FRY: variants seen among roughly 807,000 people sequenced by gnomAD.
The protein encoded by FRY is protein furry homolog.
FRY carries 128 observed loss-of-function variants against 348.4 expected under a neutral mutation model. That is an observed-to-expected ratio of 0.37 (90% CI 0.32 to 0.43). The LOEUF (loss-of-function observed/expected upper bound fraction) is 0.43, where lower values mean the gene tolerates loss of function less well. Among genes scored for constraint, FRY ranks in the 20% least tolerant of loss-of-function variants. FRY has a pLI of 1.00. For missense variants in FRY, 2,736 were observed against 3,695.2 expected, an observed-to-expected ratio of 0.74 and a Z score of 6.73; for synonymous variants, 1,370 against 1,374.7, an observed-to-expected ratio of 1.00 and a Z score of 0.08.
chr13:32,182,993 C>G lies in FRY; in HGVS notation c.3013C>G (p.Leu1005Val), dbSNP rs745932889. 6.2e-7 allele frequency: 1 copy of G among 1,605,266 alleles called. No homozygotes were observed. Among genetic ancestry groups the G allele is most frequent in the Non-Finnish European group, 8.5e-7 (1 of 1,172,586 alleles). Reference protein sequence around the residue: ...SLVFRELVEELHPLMKEALER... With the variant: ...SLVFRELVEEVHPLMKEALER... ...CCTCCACAGAGAATTGGTAGAAGAA[C>G]TTCATCCATTAATGAAAGAAGCTCT... The change falls in exon 24 of 61, where the codon CTT (leucine) becomes GTT (valine). Residue 1005 changes from leucine (L) to valine (V), a missense_variant. Transcript: ENST00000542859.
chr13:32,164,675 C>G (rs1367654050), intron 17 of FRY, among the ~76,000 whole-genome samples: 1 of 152,200 alleles, frequency 6.6e-6, no homozygotes, highest in Non-Finnish European at 1.5e-5. Context: ...CACAGGCCCT[C>G]CTGACATTGT....
At chr13:32,121,792 A>G (rs11147482) in intron 4 of FRY, among the ~76,000 whole-genome samples, 25,423 of 152,146 alleles carry the variant, frequency 0.17, 2,544 homozygotes, top group East Asian at 0.26. Flanking sequence ...ATTAGGTCCC[A>G]GCTATTTATC....
At chr13:32,246,342 C>T (rs750590300) in intron 47 of FRY, among the ~76,000 whole-genome samples, 7 of 152,148 alleles carry the variant, frequency 4.6e-5, no homozygotes, top group Non-Finnish European at 8.8e-5. Flanking sequence ...TTTATGGGAG[C>T]GGCACACAGT....
chr13:32,150,049 C>G (rs1880703810), intron 14 of FRY, among the ~76,000 whole-genome samples: 1 of 152,180 alleles, frequency 6.6e-6, no homozygotes, highest in African/African-American at 2.4e-5. Flanking sequence ...GGTTGATGTG[C>G]TACCATATTC....
Position 32,239,638 on chromosome 13 carries a change from A to G in FRY, c.6517-73A>G. ...TCTACTTTCCAGATGGCCAGAGCTT[A>G]TAGTAAAATTGCTAACATTTCTTCC... On this transcript the variant is annotated intron_variant, in intron 45 of 60. Coordinates refer to ENST00000542859, the MANE Select transcript of FRY (RefSeq NM_023037.3). This position sits in a 1 kb window ranked among gnomAD's most constrained non-coding sequence, Gnocchi z 4.3. 1 of 1,045,798 alleles carries G rather than the reference A, an allele frequency of 9.6e-7. No individual in the cohort carries two copies. 64.8% of individuals were successfully genotyped at this position (1,045,798 alleles called of 1,614,324 possible).
rs11841076 is a variant in FRY, at chr13:32,217,060, G to A, written c.4683-1689G>A. On this transcript the variant is annotated intron_variant, in intron 35 of 60. Coordinates refer to ENST00000542859, the MANE Select transcript of FRY (RefSeq NM_023037.3). The stretch of plus-strand genomic sequence containing the variant: ...CTTAATGGTACATCCAGGAGTTTTT[G>A]CTGAAACGTTACTCTTTCTCCACAC... Among the ~76,000 whole-genome samples the A allele has an allele frequency of 7.4e-3, 1,121 of 152,256 alleles. 17 individuals are homozygous for A. The highest frequency in any genetic ancestry group is 0.026 in the African/African-American group (1,094 of 41,534).
intron 1 of FRY, among the ~76,000 whole-genome samples, chr13:32,075,254 C>T (rs1459297122): frequency 6.6e-6 from 1 of 151,874 alleles, no homozygotes; most frequent in African/African-American, 2.4e-5. Context: ...GTCTTTTTCC[C>T]ACCTTTTTTA....
intron 2 of FRY, among the ~76,000 whole-genome samples, chr13:32,082,221 TAAA>T (rs3065538): frequency 7.1e-5 from 10 of 140,770 alleles, no homozygotes; most frequent in African/African-American, 2.6e-4. Context: ...TAGCCAACTT[TAAA>T]AAAAAAAAAA....
In FRY at chr13:32,117,444, C is replaced by G; in HGVS notation, c.435C>G (p.Tyr145Ter). 1 of 1,613,604 alleles carries G rather than the reference C, an allele frequency of 6.2e-7. No homozygotes were observed. Among genetic ancestry groups the G allele is most frequent in the South Asian group, 1.1e-5 (1 of 91,050 alleles). ...GCATTGAGGATGAATCACATGAATA[C>G]AGACCAAGAACAAGCAATAAATCAA... ...QNGIEDESHE[Y>*]RPRTSNKSKS... Residue 145 changes from tyrosine (Y) to a stop codon, truncating the protein, a stop_gained, in exon 4 of 61, where the codon TAC (tyrosine) becomes TAG (stop). Transcript: ENST00000542859. LOFTEE classifies it high-confidence loss of function.
In FRY at chr13:32,165,698, A is replaced by G. The variant is rs1769943734; in HGVS notation, c.1892+4447A>G. 2.6e-5 allele frequency among the ~76,000 whole-genome samples: 4 copies of G among 152,294 alleles called. No individual in the cohort carries two copies. The South Asian group carries it at 8.3e-4, about 32-fold the overall frequency. Reference sequence around the variant, plus strand: ...TCCTAATTTATCTTTTCTTCTGGATATGGTTTGTGAATTTGAAATCACCCC... The same window carrying G: ...TCCTAATTTATCTTTTCTTCTGGATGTGGTTTGTGAATTTGAAATCACCCC... On this transcript the variant is annotated intron_variant, in intron 17 of 60. Coordinates refer to ENST00000542859, the MANE Select transcript of FRY (RefSeq NM_023037.3).
At chr13:32,101,730 G>C (rs755651660) in intron 2 of FRY, among the ~76,000 whole-genome samples, 7 of 151,974 alleles carry the variant, frequency 4.6e-5, no homozygotes, top group Non-Finnish European at 7.4e-5. Flanking sequence ...TTAATGTTTT[G>C]GTCAAAGAGA....
chr13:32,262,442 T>C lies in FRY; in HGVS notation c.7746T>C (p.Asp2582=), dbSNP rs867314301. The C allele has an allele frequency of 1.1e-5, 17 of 1,613,800 alleles. No homozygotes were observed. The Middle Eastern group carries it at 2.0e-3, about 188-fold the overall frequency. Residue 2582 remains aspartate, a synonymous_variant, in exon 53 of 61, where the codon GAT becomes GAC. Transcript: ENST00000542859. ...RMSSFDASLP[D]MNNLQISEGS... is the part of the protein sequence containing the mutation. ...CCAGCTTTGATGCTTCCTTGCCTGA[T>C]ATGAATAATCTGCAGATTTCTGAGG... is the stretch of plus-strand genomic sequence containing the variant.
At position 32,202,044 on chromosome 13, in the gene FRY, C is replaced by T. The variant is rs368805424; in HGVS notation, c.3846+4C>T. 23 of 1,511,526 alleles carry T rather than the reference C, an allele frequency of 1.5e-5. No individual in the cohort carries two copies. Among genetic ancestry groups the T allele is most frequent in the African/African-American group, 1.1e-4 (8 of 72,982 alleles). The allele number at this position is 1,511,526 out of a possible 1,614,324, so 93.6% of individuals were successfully genotyped here. ...AATCTCCATGCAGCTCATGCAGGCA[C>T]GTATCATTTACTGGCATAGAAAATA... On this transcript the variant is annotated splice_donor_region_variant and intron_variant, in intron 30 of 60. Transcript: ENST00000542859.
chr13:32,247,759 T>C (rs78003055), intron 48 of FRY, among the ~76,000 whole-genome samples: 2,087 of 152,312 alleles, frequency 0.014, 42 homozygotes, highest in African/African-American at 0.046. Flanking sequence ...TATTTAAAAA[T>C]GGAACGATCA....
intron 3 of FRY, 85 bp from the exon 4 acceptor site, chr13:32,117,249 T>C: frequency 1.6e-6 from 2 of 1,222,428 alleles, no homozygotes; most frequent in Non-Finnish European, 2.4e-6. Context: ...TAGTGAGTAG[T>C]GCTTGGGGTT....
intron 47 of FRY, among the ~76,000 whole-genome samples, chr13:32,244,402 A>G (rs976806686): frequency 6.6e-6 from 1 of 152,180 alleles, no homozygotes; most frequent in African/African-American, 2.4e-5. Flanking sequence ...GGTGCCTTTA[A>G]AAGGCACATT....
chr13:32,077,021 T>TA (rs1310878779), intron 1 of FRY, among the ~76,000 whole-genome samples: 2 of 152,098 alleles, frequency 1.3e-5, no homozygotes, highest in African/African-American at 4.8e-5. Flanking sequence ...AGGTAGGTGT[T>TA]ACGGAGATGA....
intron 20 of FRY, among the ~76,000 whole-genome samples, chr13:32,175,952 T>C (rs118139645): frequency 6.6e-6 from 1 of 152,342 alleles, no homozygotes; most frequent in East Asian, 1.9e-4. Context: ...ACACTTAATA[T>C]TGTACTTAAT....
At chr13:32,095,461 C>T (rs1156838737) in intron 2 of FRY, among the ~76,000 whole-genome samples, 1 of 149,242 alleles carries the variant, frequency 6.7e-6, no homozygotes, top group Admixed American at 6.8e-5. Context: ...AATTCACTGC[C>T]TCAGCCTCCC....
Sources: allele counts gnomAD v4.1 joint callset (sites outside exome capture counted in the v4.1 genomes callset), GRCh38; gene constraint gnomAD v4.1.1; non-coding constraint Gnocchi (gnomAD v3.1); transcripts MANE v1.5; gene names NCBI Gene and HGNC (gene_info 2026-07-23, HGNC 2026-07-21).